The following LAX1 variants were observed in gnomAD, a reference collection of about 807,000 sequenced individuals.
LAX1 encodes lymphocyte transmembrane adapter 1.
LAX1 carries 17 observed loss-of-function variants against 20.7 expected under a neutral mutation model. The ratio of observed to expected loss-of-function variants is 0.82; its 90% CI spans 0.56 to 1.23. The LOEUF (loss-of-function observed/expected upper bound fraction) is 1.23, where lower values mean the gene tolerates loss of function less well. Ranked by LOEUF, LAX1 falls within the 50% of genes most tolerant of loss-of-function variation. The pLI, the probability that LAX1 is intolerant of heterozygous loss-of-function variation, is 0.00. For synonymous variants in LAX1, 165 were observed against 181.0 expected, an observed-to-expected ratio of 0.91 and a Z score of 0.71; for missense variants, 470 against 487.0, an observed-to-expected ratio of 0.97 and a Z score of 0.33.
In LAX1 at chr1:203,770,051, T is replaced by C. The variant is rs141881372; in HGVS notation, c.90-777T>C. Among the ~76,000 whole-genome samples, 11 of 152,250 alleles carry C rather than the reference T, an allele frequency of 7.2e-5. No individual in the cohort carries two copies. In the East Asian group the frequency reaches 1.9e-3, roughly 27 times the overall value. ...CTTCCTACCTAGGTGATCTCTGACATGTTACTTTACCTTTCTGAGTCTAAA... is the reference window on the plus strand; with the variant it reads ...CTTCCTACCTAGGTGATCTCTGACACGTTACTTTACCTTTCTGAGTCTAAA... On this transcript the variant is annotated intron_variant, in intron 1 of 4. Transcript: ENST00000442561.
At chr1:203,772,587 C>T (rs1199124721) in intron 4 of LAX1, among the ~76,000 whole-genome samples, 4 of 152,222 alleles carry the variant, frequency 2.6e-5, no homozygotes, top group Non-Finnish European at 1.5e-5. Context: ...GCCACCACGC[C>T]CAGCTAATTT....
chr1:203,768,756 A>G (rs927085401), intron 1 of LAX1, among the ~76,000 whole-genome samples: 1 of 152,212 alleles, frequency 6.6e-6, no homozygotes, highest in Non-Finnish European at 1.5e-5. Flanking sequence ...TGTGAAGACA[A>G]CGAATGTTGA....
At chr1:203,772,659 C>A (rs1667440928) in intron 4 of LAX1, among the ~76,000 whole-genome samples, 1 of 152,044 alleles carries the variant, frequency 6.6e-6, no homozygotes, top group Non-Finnish European at 1.5e-5. Context: ...ATCTCTTGAC[C>A]TTTTCATCCA....
In LAX1 at chr1:203,775,157, T is replaced by C. The variant is rs1411800593; in HGVS notation, c.*476T>C. The C allele has an allele frequency of 6.3e-6, 1 of 159,234 alleles. No individual in the cohort carries two copies. The highest frequency in any genetic ancestry group is 1.4e-5 in the Non-Finnish European group (1 of 72,592). The allele number at this position is 159,234 out of a possible 1,614,324, so 9.9% of individuals were successfully genotyped here. On this transcript the variant is annotated 3_prime_UTR_variant, in exon 5 of 5. Coordinates refer to ENST00000442561, the MANE Select transcript of LAX1 (RefSeq NM_017773.4). ...GCTCATGCCTGTAATCCCAGCATTT[T>C]GGTAGGCCGAGGAGGGCAGATCACT...
In LAX1 at chr1:203,775,392, CA is replaced by C. The variant is rs751408243; in HGVS notation, c.*722del. On this transcript the variant is annotated 3_prime_UTR_variant, in exon 5 of 5. Transcript: ENST00000442561. ...CTGGTGACAGAGCGAGACTCCCTCT[CA>C]AAAAAAAAAACAAACAAAAAAGAAG... The C allele has an allele frequency of 9.9e-5, 11 of 110,628 alleles. No individual in the cohort carries two copies. The highest frequency in any genetic ancestry group is 7.9e-4 in the East Asian group (1 of 1,258). The allele number at this position is 110,628 out of a possible 1,614,324, so 6.9% of individuals were successfully genotyped here.
intron 1 of LAX1, among the ~76,000 whole-genome samples, chr1:203,766,486 A>C (rs1249141764): frequency 6.6e-6 from 1 of 152,212 alleles, no homozygotes; most frequent in Non-Finnish European, 1.5e-5. Flanking sequence ...TCAAAAAATA[A>C]AATAAAATTG....
intron 1 of LAX1, among the ~76,000 whole-genome samples, chr1:203,770,502 G>T (rs56138415): frequency 3.2e-5 from 1 of 30,972 alleles, no homozygotes; most frequent in African/African-American, 1.0e-4. Flanking sequence ...AGGAAGGAAG[G>T]AAGGAAGGAA....
At chr1:203,765,717 C>A in intron 1 of LAX1, 63 bp downstream of exon 1, 1 of 1,476,102 alleles carries the variant, frequency 6.8e-7, no homozygotes, top group Non-Finnish European at 9.4e-7. Context: ...CCTAGTCCAC[C>A]CTTAGGAGCT....
In LAX1 at chr1:203,774,038, T is replaced by G. The variant is rs749830732; in HGVS notation, c.554T>G (p.Ile185Ser). The change falls in exon 5 of 5, where the codon ATT becomes AGT. Residue 185 changes from isoleucine (I) to serine (S), a missense_variant. Transcript: ENST00000442561. ...NVRASRDCAS[I>S]SSEDSHDYVN... ...AGAGCTTCCAGAGACTGCGCAAGCA[T>G]TTCTTCAGAGGATTCGCATGATTAT... 8 of 1,614,142 alleles carry G rather than the reference T, an allele frequency of 5.0e-6. No individual in the cohort carries two copies. The highest frequency in any genetic ancestry group is 6.8e-6 in the Non-Finnish European group (8 of 1,180,036).
chr1:203,769,449 G>GAAAGAAAGAAAGA (rs1553254229), intron 1 of LAX1, among the ~76,000 whole-genome samples: 10 of 116,452 alleles, frequency 8.6e-5, no homozygotes, highest in South Asian at 2.8e-4. Context: ...AAGAAGGAAA[G>GAAAGAAAGAAAGA]AAAGAAAAGA....
chr1:203,765,310 C>G lies in LAX1; in HGVS notation c.-256C>G. On this transcript the variant is annotated 5_prime_UTR_variant, in exon 1 of 5. Coordinates refer to ENST00000442561, the MANE Select transcript of LAX1 (RefSeq NM_017773.4). ...TGAAGGCAGAGGCCACAGATTCTCC[C>G]TGAGCCACCTCACTTGGAAGCACCA... 8.4e-6 allele frequency: 13 copies of G among 1,547,388 alleles called. No homozygotes were observed. Among genetic ancestry groups the G allele is most frequent in the Non-Finnish European group, 1.1e-5 (13 of 1,143,150 alleles).
intron 2 of LAX1, 68 bp from the exon 3 acceptor site, chr1:203,771,299 C>A: frequency 2.0e-6 from 2 of 979,464 alleles, no homozygotes; most frequent in Non-Finnish European, 1.7e-6. Flanking sequence ...CCATCTCATT[C>A]CCATGAGTCT....
At chr1:203,769,795 T>TGGGGGGG (rs1558070185) in intron 1 of LAX1, 4 of 65,246 alleles carry the variant, frequency 6.1e-5, no homozygotes, top group Admixed American at 1.7e-4. Flanking sequence ...CGGCGGGGGG[T>TGGGGGGG]GGGGGGTGTT....
intron 1 of LAX1, among the ~76,000 whole-genome samples, chr1:203,770,457 G>GAGAGAGA (rs55910139): frequency 1.4e-4 from 4 of 28,950 alleles, no homozygotes; most frequent in East Asian, 8.8e-4. Context: ...GAGAGAGAAA[G>GAGAGAGA]GAAGGAAGGA....
At chr1:203,766,420 G>C (rs1667304886) in intron 1 of LAX1, among the ~76,000 whole-genome samples, 3 of 152,160 alleles carry the variant, frequency 2.0e-5, no homozygotes, top group Non-Finnish European at 2.9e-5. Flanking sequence ...GGGAAACAGA[G>C]GTTGCAGTGT....
At position 203,774,741 on chromosome 1, in the gene LAX1, T is replaced by G. The variant is rs1667484598; in HGVS notation, c.*60T>G. 2.1e-6 allele frequency: 3 copies of G among 1,420,490 alleles called. No individual in the cohort carries two copies. In the East Asian group the frequency reaches 6.9e-5, roughly 32 times the overall value. 88.0% of individuals were successfully genotyped at this position (1,420,490 alleles called of 1,614,324 possible). A position where few individuals can be genotyped will look rare whatever the true frequency, so the allele number is the denominator to read the frequency against. Reference sequence around the variant, plus strand: ...TAGTCTATCCCATAGGATTGACTACTGCAGAGTCTAGTGCAGACCCGTGAT... The same window carrying G: ...TAGTCTATCCCATAGGATTGACTACGGCAGAGTCTAGTGCAGACCCGTGAT... On this transcript the variant is annotated 3_prime_UTR_variant, in exon 5 of 5. Transcript: ENST00000442561.
rs769960645 is a variant in LAX1, at chr1:203,774,658, A to C, written c.1174A>C (p.Thr392Pro). The C allele has an allele frequency of 1.9e-6, 3 of 1,613,816 alleles. No individual in the cohort carries two copies. Among genetic ancestry groups the C allele is most frequent in the Admixed American group, 1.7e-5 (1 of 59,986 alleles). The change falls in exon 5 of 5, where the codon ACT becomes CCT. Residue 392 changes from threonine to proline, a missense_variant. Coordinates refer to ENST00000442561, the MANE Select transcript of LAX1 (RefSeq NM_017773.4). ...GGRDSEQGPGTQLLPDE is the reference protein window; with the variant it reads ...GGRDSEQGPGPQLLPDE ...CAGGGACTCTGAGCAGGGGCCTGGCACTCAGCTCCTTCCTGATGAATGAAG... is the reference window on the plus strand; with the variant it reads ...CAGGGACTCTGAGCAGGGGCCTGGCCCTCAGCTCCTTCCTGATGAATGAAG...
At chr1:203,771,996 G>T in intron 3 of LAX1, 72 bp from the exon 4 acceptor site, 1 of 1,216,490 alleles carries the variant, frequency 8.2e-7, no homozygotes, top group Non-Finnish European at 1.2e-6. Flanking sequence ...CTTCATCCAT[G>T]ATGCAGGGAT....
intron 1 of LAX1, among the ~76,000 whole-genome samples, chr1:203,769,424 AGAAAGAAAGAAAGAAAGAAG>A (rs1254964581): frequency 3.4e-4 from 34 of 99,590 alleles, no homozygotes; most frequent in African/African-American, 5.9e-4. Flanking sequence ...AAAGAAAGAA[AGAAAGAAAGAAAGAAAGAAG>A]GAAAGAAAGA....
Sources: gnomAD v4.1 joint callset for allele counts (sites outside exome capture counted in the v4.1 genomes callset) on GRCh38, gnomAD v4.1.1 for gene constraint, MANE v1.5 for transcripts, NCBI Gene and HGNC (gene_info 2026-07-23, HGNC 2026-07-21) for gene names.